MEX3D: variants seen among roughly 807,000 people sequenced by gnomAD.
MEX3D encodes the protein RNA-binding protein MEX3D.
A neutral mutation model predicts 6.3 loss-of-function variants in MEX3D; 4 were observed. The ratio of observed to expected loss-of-function variants is 0.64; its 90% CI spans 0.31 to 1.46. MEX3D has a LOEUF of 1.46. MEX3D is among the 40% of genes most tolerant of loss of function. The pLI is 0.07. For synonymous variants in MEX3D, 626 were observed against 494.1 expected (o/e 1.27, Z -3.54); for missense variants, 1,038 against 994.4 (o/e 1.04, Z -0.59).
intron 1 of MEX3D, among the ~76,000 whole-genome samples, chr19:1,566,519 G>T (rs2145578145): frequency 6.6e-6 from 1 of 152,178 alleles, no homozygotes; most frequent in South Asian, 2.1e-4. Context: ...CCCCGCCAAG[G>T]CCCCACCCCA....
At chr19:1,566,028 C>G (rs1347232535) in intron 1 of MEX3D, among the ~76,000 whole-genome samples, 1 of 152,246 alleles carries the variant, frequency 6.6e-6, no homozygotes, top group Non-Finnish European at 1.5e-5. Flanking sequence ...TCGGCTTGGA[C>G]GCCTGTCTCC....
chr19:1,555,709 C>A lies in MEX3D; in HGVS notation c.1810G>T (p.Ala604Ser), dbSNP rs759110821. 1.3e-6 allele frequency: 2 copies of A among 1,545,622 alleles called. No homozygotes were observed. The highest frequency in any genetic ancestry group is 1.9e-5 in the Admixed American group (1 of 51,968). ...AGCGCAGCCATCACCTCGCCCTCGGCGCACACCACGCACTCTCGCGCCAGG... is the reference window on the plus strand; with the variant it reads ...AGCGCAGCCATCACCTCGCCCTCGGAGCACACCACGCACTCTCGCGCCAGG... ...PALARECVVC[A>S]EGEVMAALVP... The change falls in exon 2 of 2, where the codon GCC becomes TCC. Residue 604 changes from alanine (A) to serine (S), a missense_variant. Ala to Ser is a moderately conservative substitution (Grantham distance 99). Coordinates refer to ENST00000402693, the MANE Select transcript of MEX3D (RefSeq NM_203304.4).
intron 1 of MEX3D, among the ~76,000 whole-genome samples, chr19:1,565,603 C>T (rs577231731): frequency 6.6e-5 from 10 of 152,304 alleles, no homozygotes; most frequent in Non-Finnish European, 1.3e-4. Flanking sequence ...GGAGGTGAGA[C>T]GTCCGCACAT....
In MEX3D at chr19:1,556,075, AG is replaced by A; in HGVS notation, c.1443del (p.Leu482CysfsTer127). The A allele has an allele frequency of 2.8e-6, 4 of 1,407,536 alleles. No individual in the cohort carries two copies. The highest frequency in any genetic ancestry group is 2.8e-5 in the Admixed American group (1 of 36,094). 87.2% of individuals were successfully genotyped at this position (1,407,536 alleles called of 1,614,324 possible). A position where few individuals can be genotyped will look rare whatever the true frequency, so the allele number is the denominator to read the frequency against. ...TIWAPFERAAPLPAFSGCSTV... is the reference protein window; with the variant it reads ...TIWAPFERAAXLPAFSGCSTV... ...GTGGAGCAGCCGCTGAAGGCGGGCA[AG>A]GGGGCGGCGCGCTCAAAAGGCGCCC... On this transcript the variant is annotated frameshift_variant, in exon 2 of 2. Coordinates refer to ENST00000402693, the MANE Select transcript of MEX3D (RefSeq NM_203304.4). LOFTEE classifies it low-confidence loss of function (END_TRUNC). The surrounding 1 kb of genome is among the most constrained non-coding windows in gnomAD (Gnocchi z 7.5).
At position 1,556,299 on chromosome 19, in the gene MEX3D, G is replaced by A. The variant is rs888846149; in HGVS notation, c.1220C>T (p.Ala407Val). The stretch of plus-strand genomic sequence containing the variant: ...CACGGAGGGGCCGCCGCGGCTGCCC[G>A]CGTAGAAGGCCTCGGGGGCGCTGGG... ...GAPSAPEAFY[A>V]GSRGGPSVPD... Residue 407 changes from alanine to valine, a missense_variant, in exon 2 of 2, where the codon GCG becomes GTG. By Grantham distance (64) the Ala-to-Val change is moderately conservative. Coordinates refer to ENST00000402693, the MANE Select transcript of MEX3D (RefSeq NM_203304.4). This position sits in a 1 kb window ranked among gnomAD's most constrained non-coding sequence, Gnocchi z 7.5. The A allele has an allele frequency of 2.2e-5, 28 of 1,295,298 alleles. No individual in the cohort carries two copies. The highest frequency in any genetic ancestry group is 1.6e-4 in the African/African-American group (10 of 62,830). The allele number at this position is 1,295,298 out of a possible 1,614,324, so 80.2% of individuals were successfully genotyped here. A position where few individuals can be genotyped will look rare whatever the true frequency, so the allele number is the denominator to read the frequency against.
chr19:1,561,951 CAAAAAATTTTTA>C (rs1214348234), intron 1 of MEX3D, among the ~76,000 whole-genome samples: 2 of 151,604 alleles, frequency 1.3e-5, no homozygotes, highest in Non-Finnish European at 2.9e-5. Flanking sequence ...CCGGCCTCTA[CAAAAAATTTTTA>C]AAAATTAGCC....
At position 1,568,271 on chromosome 19, in the gene MEX3D, T is replaced by TCGGCGGCGGCGGCGA. The variant is rs1465151507; in HGVS notation, c.-228_-214dup. ...CGGCGGCAGCGACTCTGGCTGCGGC[T>TCGGCGGCGGCGGCGA]CGGCGGCGGCGGCGACGGCGGCGGC... On this transcript the variant is annotated 5_prime_UTR_variant, in exon 1 of 2. Transcript: ENST00000402693. Among the ~76,000 whole-genome samples, 1 of 130,886 alleles carries TCGGCGGCGGCGGCGA rather than the reference T, an allele frequency of 7.6e-6. No homozygotes were observed. Among genetic ancestry groups the TCGGCGGCGGCGGCGA allele is most frequent in the African/African-American group, 2.8e-5 (1 of 36,196 alleles). 85.9% of individuals were successfully genotyped at this position (130,886 alleles called of 152,430 possible). A position where few individuals can be genotyped will look rare whatever the true frequency, so the allele number is the denominator to read the frequency against.
In MEX3D at chr19:1,567,515, A is replaced by G; in HGVS notation, c.544T>C (p.Cys182Arg). 6.4e-7 allele frequency: 1 copy of G among 1,571,098 alleles called. No individual in the cohort carries two copies. Among genetic ancestry groups the G allele is most frequent in the Non-Finnish European group, 8.6e-7 (1 of 1,160,116 alleles). Residue 182 changes from cysteine to arginine, a missense_variant, in exon 1 of 2, where the codon TGC becomes CGC. Transcript: ENST00000402693. The surrounding 1 kb of genome is among the most constrained non-coding windows in gnomAD (Gnocchi z 6.5). Reference sequence around the variant, plus strand: ...TGCTCGGAGCTGGGCACCGGGACGCACTCGGTCATGTTGACGCTTTTCTTG... The same window carrying G: ...TGCTCGGAGCTGGGCACCGGGACGCGCTCGGTCATGTTGACGCTTTTCTTG... ...SRKKSVNMTE[C>R]VPVPSSEHVA...
At position 1,556,512 on chromosome 19, in the gene MEX3D, G is replaced by A; in HGVS notation, c.1007C>T (p.Ala336Val). The A allele has an allele frequency of 3.1e-6, 5 of 1,605,990 alleles. No homozygotes were observed. Among genetic ancestry groups the A allele is most frequent in the Non-Finnish European group, 4.2e-6 (5 of 1,177,670 alleles). The change falls in exon 2 of 2, where the codon GCG becomes GTG. Residue 336 changes from alanine to valine, a missense_variant. Coordinates refer to ENST00000402693, the MANE Select transcript of MEX3D (RefSeq NM_203304.4). The surrounding 1 kb of genome is among the most constrained non-coding windows in gnomAD (Gnocchi z 7.5). Reference protein sequence around the residue: ...NVDRAREEIEAHITLRTGAFT... With the variant: ...NVDRAREEIEVHITLRTGAFT... ...GGCGCCAGTGCGCAGCGTGATGTGC[G>A]CCTCGATCTCCTCGCGCGCGCGGTC...
chr19:1,559,302 TTTTTA>T (rs1386907812), intron 1 of MEX3D, among the ~76,000 whole-genome samples: 2 of 152,140 alleles, frequency 1.3e-5, no homozygotes, highest in Non-Finnish European at 2.9e-5. Context: ...CAGCTAATTT[TTTTTA>T]TTTTTAGTAC....
rs1292196930 is a variant in MEX3D at position 1,567,305 on chromosome 19, G to A, written c.595+159C>T. Among the ~76,000 whole-genome samples, 2 of 151,984 alleles carry A rather than the reference G, an allele frequency of 1.3e-5. No homozygotes were observed. Among genetic ancestry groups the A allele is most frequent in the African/African-American group, 2.4e-5 (1 of 41,428 alleles). The stretch of plus-strand genomic sequence containing the variant: ...CAACTTTCTCCCGCGGCGGCTGCAG[G>A]ACAAAGGCGCAAAGGCAGCGGCCGA... On this transcript the variant is annotated intron_variant, in intron 1 of 1. Coordinates refer to ENST00000402693, the MANE Select transcript of MEX3D (RefSeq NM_203304.4). The surrounding 1 kb of genome is among the most constrained non-coding windows in gnomAD (Gnocchi z 6.5).
At position 1,568,164 on chromosome 19, in the gene MEX3D, C is replaced by A. The variant is rs1249095045; in HGVS notation, c.-106G>T. The A allele has an allele frequency of 8.5e-6, 8 of 942,864 alleles. No individual in the cohort carries two copies. Among genetic ancestry groups the A allele is most frequent in the Non-Finnish European group, 1.0e-5 (8 of 798,784 alleles). The allele number at this position is 942,864 out of a possible 1,614,324, so 58.4% of individuals were successfully genotyped here. On this transcript the variant is annotated 5_prime_UTR_variant, in exon 1 of 2. Coordinates refer to ENST00000402693, the MANE Select transcript of MEX3D (RefSeq NM_203304.4). ...TGGGCCGCCGGCCGCCTGCATCCAG[C>A]GGCGGGGGCGGGCACGGGGGGCCGG...
In MEX3D at chr19:1,555,792, A is replaced by AG; in HGVS notation, c.1726dup (p.Leu576ProfsTer131). ...GCTGTTCTCGGAGGCGCCGGAGTCCAGGGGGGCGCAGGCGGCGGCCGCGGG... is the reference window on the plus strand; with the variant it reads ...GCTGTTCTCGGAGGCGCCGGAGTCCAGGGGGGGCGCAGGCGGCGGCCGCGGG... On this transcript the variant is annotated frameshift_variant, in exon 2 of 2. Transcript: ENST00000402693. LOFTEE classifies it low-confidence loss of function (END_TRUNC). 7.1e-7 allele frequency: 1 copy of AG among 1,404,588 alleles called. No homozygotes were observed. 87.0% of individuals were successfully genotyped at this position (1,404,588 alleles called of 1,614,324 possible). A position where few individuals can be genotyped will look rare whatever the true frequency, so the allele number is the denominator to read the frequency against.
Position 1,555,480 on chromosome 19 carries a change from C to T in MEX3D, c.*83G>A. 1.3e-6 allele frequency: 2 copies of T among 1,504,412 alleles called. No individual in the cohort carries two copies. Among genetic ancestry groups the T allele is most frequent in the East Asian group, 2.6e-5 (1 of 38,702 alleles). The allele number at this position is 1,504,412 out of a possible 1,614,324, so 93.2% of individuals were successfully genotyped here. On this transcript the variant is annotated 3_prime_UTR_variant, in exon 2 of 2. Transcript: ENST00000402693. ...TCCGCCCCTCGCCCCCTCCCCGTCC[C>T]TCTCCCACCCCGGGTCCCGCCCCGT...
chr19:1,561,354 C>G (rs1200167792), intron 1 of MEX3D, among the ~76,000 whole-genome samples: 1 of 152,218 alleles, frequency 6.6e-6, no homozygotes. Context: ...ATTCTAGAAG[C>G]AGGACGGGGC....
Position 1,568,286 on chromosome 19 carries a change from A to ACGGCGGCGG in MEX3D, c.-237_-229dup, listed in dbSNP as rs1013195245. On this transcript the variant is annotated 5_prime_UTR_variant, in exon 1 of 2. Coordinates refer to ENST00000402693, the MANE Select transcript of MEX3D (RefSeq NM_203304.4). ...TGGCTGCGGCTCGGCGGCGGCGGCGACGGCGGCGGCGGCTCCTCGGCGGCC... is the reference window on the plus strand; with the variant it reads ...TGGCTGCGGCTCGGCGGCGGCGGCGACGGCGGCGGCGGCGGCGGCGGCTCCTCGGCGGCC... Among the ~76,000 whole-genome samples, 3 of 130,214 alleles carry ACGGCGGCGG rather than the reference A, an allele frequency of 2.3e-5. No homozygotes were observed. The highest frequency in any genetic ancestry group is 2.8e-4 in the South Asian group (1 of 3,586). The allele number at this position is 130,214 out of a possible 152,430, so 85.4% of individuals were successfully genotyped here.
In MEX3D at chr19:1,555,677, G is replaced by A. The variant is rs1370422033; in HGVS notation, c.1842C>T (p.Pro614=). ...AEGEVMAALV[P]CGHNLFCMDC... is the part of the protein sequence containing the mutation. The stretch of plus-strand genomic sequence containing the variant: ...CCATGCAGAAGAGGTTGTGGCCGCA[G>A]GGGACCAGCGCAGCCATCACCTCGC... The change falls in exon 2 of 2, where the codon CCC becomes CCT. Residue 614 remains proline (P), a synonymous_variant. Coordinates refer to ENST00000402693, the MANE Select transcript of MEX3D (RefSeq NM_203304.4). 1.9e-6 allele frequency: 3 copies of A among 1,577,012 alleles called. No homozygotes were observed. Among genetic ancestry groups the A allele is most frequent in the Non-Finnish European group, 2.6e-6 (3 of 1,165,358 alleles).
chr19:1,567,855 C>G lies in MEX3D; in HGVS notation c.204G>C (p.Ala68=), dbSNP rs1250390503. 5.0e-6 allele frequency: 5 copies of G among 1,002,944 alleles called. No homozygotes were observed. The highest frequency in any genetic ancestry group is 5.9e-6 in the Non-Finnish European group (5 of 842,830). The allele number at this position is 1,002,944 out of a possible 1,614,324, so 62.1% of individuals were successfully genotyped here. Residue 68 remains alanine (A), a synonymous_variant, in exon 1 of 2, where the codon GCG becomes GCC. Transcript: ENST00000402693. This position sits in a 1 kb window ranked among gnomAD's most constrained non-coding sequence, Gnocchi z 6.5. Reference sequence around the variant, plus strand: ...TGTCGCCAGCGCCCCCCAGCCCGAGCGCCGACAGCTGGTCCAGCGCCAGGC... The same window carrying G: ...TGTCGCCAGCGCCCCCCAGCCCGAGGGCCGACAGCTGGTCCAGCGCCAGGC... ...ALRLALDQLS[A]LGLGGAGDTD...
At position 1,555,499 on chromosome 19, in the gene MEX3D, GC is replaced by G; in HGVS notation, c.*63del. The G allele has an allele frequency of 8.4e-7, 1 of 1,191,846 alleles. No homozygotes were observed. 73.8% of individuals were successfully genotyped at this position (1,191,846 alleles called of 1,614,324 possible). A position where few individuals can be genotyped will look rare whatever the true frequency, so the allele number is the denominator to read the frequency against. ...CCGTCCCTCTCCCACCCCGGGTCCCGCCCCGTCTCCCGCGCCCACCCCTGGC... is the reference window on the plus strand; with the variant it reads ...CCGTCCCTCTCCCACCCCGGGTCCCGCCCGTCTCCCGCGCCCACCCCTGGC... On this transcript the variant is annotated 3_prime_UTR_variant, in exon 2 of 2. Transcript: ENST00000402693.
Sources: allele counts gnomAD v4.1 joint callset (sites outside exome capture counted in the v4.1 genomes callset), GRCh38; gene constraint gnomAD v4.1.1; non-coding constraint Gnocchi (gnomAD v3.1); transcripts MANE v1.5; gene names NCBI Gene and HGNC (gene_info 2026-07-23, HGNC 2026-07-21).